Variants in CPA6 observed in about 807,000 individuals in gnomAD.
The protein encoded by CPA6 is carboxypeptidase B.
In CPA6, 58 loss-of-function variants were observed where a neutral mutation model predicts 63.3. The observed-to-expected ratio is 0.92, with a 90% confidence interval of 0.74 to 1.14. The LOEUF (loss-of-function observed/expected upper bound fraction) is 1.14. Among genes scored for constraint, CPA6 ranks in the 50% most tolerant of loss-of-function variants. The probability of loss-of-function intolerance (pLI) is 0.00; values close to 1 mark genes in which losing one functional copy is unlikely to be tolerated. For missense variants in CPA6, 565 were observed against 526.6 expected (o/e 1.07, Z -0.71); for synonymous variants, 185 against 179.0 (o/e 1.03, Z -0.27).
chr8:67,530,136 G>T (rs1033038523), intron 2 of CPA6, among the ~76,000 whole-genome samples: 1 of 150,856 alleles, frequency 6.6e-6, no homozygotes, highest in East Asian at 1.9e-4. Flanking sequence ...TAAAAGAGCA[G>T]AAATTTAAAA....
intron 1 of CPA6, among the ~76,000 whole-genome samples, chr8:67,667,012 G>C (rs1361191697): frequency 6.6e-6 from 1 of 151,744 alleles, no homozygotes; most frequent in East Asian, 1.9e-4. Context: ...TAGGCATGTG[G>C]TTATTACTGT....
At chr8:67,549,308 A>T (rs919874228) in intron 2 of CPA6, among the ~76,000 whole-genome samples, 2 of 152,220 alleles carry the variant, frequency 1.3e-5, no homozygotes, top group Non-Finnish European at 2.9e-5. Flanking sequence ...TTGAAAGATT[A>T]TGAAGCCTAG....
chr8:67,560,901 C>T (rs922203083), intron 2 of CPA6, among the ~76,000 whole-genome samples: 1 of 152,136 alleles, frequency 6.6e-6, no homozygotes, highest in Admixed American at 6.5e-5. Context: ...TCCCTGCCCA[C>T]ATTTAAAACA....
At chr8:67,546,962 C>T (rs1281584258) in intron 2 of CPA6, among the ~76,000 whole-genome samples, 2 of 152,224 alleles carry the variant, frequency 1.3e-5, no homozygotes, top group African/African-American at 4.8e-5. Flanking sequence ...GTCACTGGAA[C>T]TACAGGTGTG....
intron 1 of CPA6, among the ~76,000 whole-genome samples, chr8:67,653,710 T>A (rs1815907220): frequency 6.6e-6 from 1 of 152,128 alleles, no homozygotes. Flanking sequence ...TGACTTCCTC[T>A]TTTCCTAATT....
chr8:67,743,022 A>G (rs947895753), intron 1 of CPA6, among the ~76,000 whole-genome samples: 1 of 152,166 alleles, frequency 6.6e-6, no homozygotes, highest in African/African-American at 2.4e-5. Flanking sequence ...CTTTTGGGAA[A>G]ACAGGGAGAT....
chr8:67,688,439 T>C (rs117598103), intron 1 of CPA6, among the ~76,000 whole-genome samples: 72 of 152,330 alleles, frequency 4.7e-4, no homozygotes, highest in Middle Eastern at 3.4e-3. Context: ...ACGCTCCTTA[T>C]TACTTCAGTA....
intron 2 of CPA6, among the ~76,000 whole-genome samples, chr8:67,587,932 G>A (rs529203439): frequency 6.6e-5 from 10 of 152,102 alleles, no homozygotes; most frequent in African/African-American, 2.4e-4. Context: ...GCTGTTAATC[G>A]CATAGCTAGT....
At chr8:67,541,087 CG>C (rs972805092) in intron 2 of CPA6, among the ~76,000 whole-genome samples, 15 of 150,338 alleles carry the variant, frequency 1.0e-4, no homozygotes, top group Admixed American at 6.6e-4. Flanking sequence ...CCACTGGGTA[CG>C]AAAAAAAAAA....
Position 67,610,872 on chromosome 8 carries a change from G to T in CPA6, c.192+13304C>A, listed in dbSNP as rs144246481. ...GTCTTCTGCAGAGTGGAAAAACAGAGTTGTTTAATTTTTTTCAATCTATAA... is the reference window on the plus strand; with the variant it reads ...GTCTTCTGCAGAGTGGAAAAACAGATTTGTTTAATTTTTTTCAATCTATAA... On this transcript the variant is annotated intron_variant, in intron 2 of 10. Transcript: ENST00000297770. 8.7e-3 allele frequency among the ~76,000 whole-genome samples: 1,332 copies of T among 152,232 alleles called. 9 individuals are homozygous for T. Among genetic ancestry groups the T allele is most frequent in the Non-Finnish European group, 0.012 (827 of 68,018 alleles).
chr8:67,643,488 C>T (rs1815641191), intron 1 of CPA6, among the ~76,000 whole-genome samples: 1 of 151,974 alleles, frequency 6.6e-6, no homozygotes, highest in Non-Finnish European at 1.5e-5. Flanking sequence ...TGTATAATTA[C>T]ATTTTTATAG....
chr8:67,603,881 C>T (rs1013973171), intron 2 of CPA6, among the ~76,000 whole-genome samples: 1 of 152,198 alleles, frequency 6.6e-6, no homozygotes, highest in African/African-American at 2.4e-5. Flanking sequence ...TCTATGGTGT[C>T]ATTAACACTT....
intron 8 of CPA6, among the ~76,000 whole-genome samples, chr8:67,440,736 T>C (rs1253049331): frequency 6.6e-6 from 1 of 152,128 alleles, no homozygotes; most frequent in African/African-American, 2.4e-5. Context: ...TATAGGCAAT[T>C]ATAACAAGAT....
intron 2 of CPA6, among the ~76,000 whole-genome samples, chr8:67,608,792 G>A (rs2128984699): frequency 6.6e-6 from 1 of 152,330 alleles, no homozygotes; most frequent in East Asian, 1.9e-4. Flanking sequence ...CATGGTGGCT[G>A]AGTAAATGAG....
At chr8:67,489,588 T>G (rs1470445809) in intron 6 of CPA6, among the ~76,000 whole-genome samples, 2 of 152,228 alleles carry the variant, frequency 1.3e-5, no homozygotes, top group African/African-American at 2.4e-5. Flanking sequence ...TGGTATTTGT[T>G]GATACTTGCT....
chr8:67,461,591 G>C (rs879564737), intron 8 of CPA6, among the ~76,000 whole-genome samples: 1 of 152,224 alleles, frequency 6.6e-6, no homozygotes, highest in Non-Finnish European at 1.5e-5. Flanking sequence ...CCTCCCAGAC[G>C]GGGTGGTGGC....
rs71554612 is a variant in CPA6, at chr8:67,559,852, A to AATATATATATATAT, written c.193-41819_193-41806dup. ...TTTCTACTGCTAATAAGTTGGACAA[A>AATATATATATATAT]ATATATATATATATGTATACACACA... On this transcript the variant is annotated intron_variant, in intron 2 of 10. Transcript: ENST00000297770. Among the ~76,000 whole-genome samples, 8 of 148,148 alleles carry AATATATATATATAT rather than the reference A, an allele frequency of 5.4e-5. 1 individual carries two copies. In the South Asian group the frequency reaches 8.6e-4, roughly 16 times the overall value.
At chr8:67,464,554 ATT>A (rs956085966) in intron 8 of CPA6, among the ~76,000 whole-genome samples, 11 of 152,072 alleles carry the variant, frequency 7.2e-5, no homozygotes, top group Non-Finnish European at 1.6e-4. Context: ...TTTTGTTGCA[ATT>A]GCTTTTGAGG....
intron 2 of CPA6, among the ~76,000 whole-genome samples, chr8:67,588,409 A>T (rs1338532172): frequency 6.6e-6 from 1 of 152,110 alleles, no homozygotes; most frequent in Non-Finnish European, 1.5e-5. Context: ...CATTCTTTTA[A>T]TTCTCAAGGG....
Sources: gnomAD v4.1 joint callset for allele counts (sites outside exome capture counted in the v4.1 genomes callset) on GRCh38, gnomAD v4.1.1 for gene constraint, MANE v1.5 for transcripts, NCBI Gene and HGNC (gene_info 2026-07-23, HGNC 2026-07-21) for gene names.